CLVS1: variants seen among roughly 807,000 people sequenced by gnomAD.
CLVS1 encodes the protein clavesin-1.
CLVS1 carries 10 observed loss-of-function variants against 33.1 expected under a neutral mutation model. The observed-to-expected ratio is 0.30, with a 90% CI of 0.19 to 0.51. The LOEUF is 0.51. Ranked by LOEUF, CLVS1 falls within the 20% of genes least tolerant of loss-of-function variation. The probability of loss-of-function intolerance (pLI) is 0.97; values close to 1 mark genes in which losing one functional copy is unlikely to be tolerated. For missense variants in CLVS1, 343 were observed against 433.4 expected, an observed-to-expected ratio of 0.79 and a Z score of 1.85; for synonymous variants, 163 against 166.1, an observed-to-expected ratio of 0.98 and a Z score of 0.14.
chr8:61,097,943 G>GCTCTTT (rs1805381681), intron 1 of CLVS1, among the ~76,000 whole-genome samples: 1 of 152,130 alleles, frequency 6.6e-6, no homozygotes. Flanking sequence ...TATTTTAAAA[G>GCTCTTT]AGCTCACATT....
At chr8:61,446,714 C>G (rs1182955799) in intron 3 of CLVS1, among the ~76,000 whole-genome samples, 1 of 152,064 alleles carries the variant, frequency 6.6e-6, no homozygotes, top group Non-Finnish European at 1.5e-5. Context: ...CTCGGTACTG[C>G]CACATTAAGG....
At chr8:61,386,108 G>A (rs956638970) in intron 3 of CLVS1, among the ~76,000 whole-genome samples, 7 of 152,176 alleles carry the variant, frequency 4.6e-5, no homozygotes, top group Non-Finnish European at 7.4e-5. Context: ...GATTCTTTAT[G>A]AGCAAGAACT....
intron 2 of CLVS1, among the ~76,000 whole-genome samples, chr8:61,358,071 A>G (rs1038473052): frequency 5.3e-5 from 8 of 152,198 alleles, no homozygotes; most frequent in African/African-American, 1.9e-4. Flanking sequence ...TCTTAAAGTC[A>G]CCAGAGAATT....
chr8:61,096,799 G>T (rs1024063215), intron 1 of CLVS1, among the ~76,000 whole-genome samples: 5 of 152,112 alleles, frequency 3.3e-5, no homozygotes, highest in African/African-American at 1.2e-4. Context: ...CCCAGGGTTT[G>T]GCCCTTTAGC....
At chr8:61,395,275 G>A (rs1343969516) in intron 3 of CLVS1, among the ~76,000 whole-genome samples, 1 of 152,162 alleles carries the variant, frequency 6.6e-6, no homozygotes, top group Non-Finnish European at 1.5e-5. Context: ...GCAGAAACTA[G>A]AAAGGTGGTT....
chr8:61,045,410 T>A, the CLVS1 span, among the ~76,000 whole-genome samples: 2 of 152,150 alleles, frequency 1.3e-5, no homozygotes, highest in African/African-American at 4.8e-5. Flanking sequence ...GAAGACAAAC[T>A]TTATGGCAAA....
intron 1 of CLVS1, among the ~76,000 whole-genome samples, chr8:61,121,810 A>C (rs1805876861): frequency 6.6e-6 from 1 of 152,206 alleles, no homozygotes; most frequent in Non-Finnish European, 1.5e-5. Context: ...TATGGCTCAC[A>C]CTTGCTTAAG....
At chr8:61,163,672 T>C (rs1806794556) in intron 2 of CLVS1, among the ~76,000 whole-genome samples, 3 of 152,176 alleles carry the variant, frequency 2.0e-5, no homozygotes, top group Non-Finnish European at 4.4e-5. Context: ...GTTATAGCTC[T>C]GTCAGAAGCC....
intron 1 of CLVS1, among the ~76,000 whole-genome samples, chr8:61,086,944 A>G (rs1391597484): frequency 1.3e-5 from 2 of 152,218 alleles, no homozygotes; most frequent in African/African-American, 2.4e-5. Flanking sequence ...TTGCGTACTC[A>G]TGATAGTTGC....
the CLVS1 span, among the ~76,000 whole-genome samples, chr8:61,009,661 AAT>A: frequency 2.0e-5 from 3 of 152,156 alleles, no homozygotes; most frequent in African/African-American, 7.2e-5. Context: ...GCATGAACCC[AAT>A]GTCTCTTACT....
chr8:61,281,655 G>A (rs779059790), intron 2 of CLVS1, among the ~76,000 whole-genome samples: 55 of 152,144 alleles, frequency 3.6e-4, no homozygotes, highest in Non-Finnish European at 7.2e-4. Context: ...AGTACAGAGA[G>A]TGCCCTTCCA....
At chr8:61,202,461 A>C in intron 2 of CLVS1, 1 of 806,456 alleles carries the variant, frequency 1.2e-6, no homozygotes, top group Non-Finnish European at 2.2e-6. Context: ...ATAATGATGA[A>C]AATGAGCGCC....
intron 4 of CLVS1, among the ~76,000 whole-genome samples, chr8:61,455,178 TTGTG>T (rs35160609): frequency 0.044 from 6,548 of 147,516 alleles, 303 homozygotes; most frequent in African/African-American, 0.12. Context: ...TAATTATGAT[TTGTG>T]TGTGTGTGTG....
chr8:61,262,192 AT>A (rs536478724), intron 2 of CLVS1, among the ~76,000 whole-genome samples: 5 of 151,942 alleles, frequency 3.3e-5, no homozygotes, highest in African/African-American at 1.2e-4. Context: ...TTAAAAAACA[AT>A]TTTTTTCAGA....
chr8:61,373,639 C>T (rs935001383), intron 2 of CLVS1, among the ~76,000 whole-genome samples: 4 of 152,250 alleles, frequency 2.6e-5, no homozygotes, highest in African/African-American at 4.8e-5. Flanking sequence ...ACTAAAAGTG[C>T]TCTCCCACAA....
intron 2 of CLVS1, among the ~76,000 whole-genome samples, chr8:61,178,994 G>A (rs929597456): frequency 6.6e-6 from 1 of 152,066 alleles, no homozygotes; most frequent in Admixed American, 6.6e-5. Flanking sequence ...TCACACAAAA[G>A]AATACTAACC....
chr8:61,201,733 TG>T (rs77261237), intron 2 of CLVS1, among the ~76,000 whole-genome samples: 46,398 of 152,100 alleles, frequency 0.31, 7,257 homozygotes, highest in Admixed American at 0.36. Context: ...TCTAGAAGGT[TG>T]GTGCCTCCTA....
At chr8:61,038,121 G>A in the CLVS1 span, among the ~76,000 whole-genome samples, 4 of 152,156 alleles carry the variant, frequency 2.6e-5, no homozygotes, top group African/African-American at 9.7e-5. Flanking sequence ...TGTGACTTGA[G>A]CTCCTGACAT....
chr8:60,967,878 T>C, the CLVS1 span: 1 of 325,108 alleles, frequency 3.1e-6, no homozygotes, highest in Non-Finnish European at 6.1e-6. Flanking sequence ...AATCCTACAT[T>C]GATAGTATTT....
Sources: allele counts gnomAD v4.1 joint callset (sites outside exome capture counted in the v4.1 genomes callset), GRCh38; gene constraint gnomAD v4.1.1; transcripts MANE v1.5; gene names NCBI Gene and HGNC (gene_info 2026-07-23, HGNC 2026-07-21).